Variants in EDARADD observed in about 807,000 individuals in gnomAD.
EDARADD encodes the protein EDAR associated via death domain.
Under a neutral mutation model 25.6 loss-of-function variants are expected in EDARADD, and 20 were observed. The observed-to-expected ratio is 0.78, with a 90% confidence interval of 0.55 to 1.14. The LOEUF is 1.14. Ranked by LOEUF, EDARADD falls within the 50% of genes most tolerant of loss-of-function variation. The probability of loss-of-function intolerance (pLI) is 0.00; values close to 1 mark genes in which losing one functional copy is unlikely to be tolerated. For missense variants in EDARADD, 225 were observed against 270.1 expected, an observed-to-expected ratio of 0.83 and a Z score of 1.17; for synonymous variants, 86 against 94.4, an observed-to-expected ratio of 0.91 and a Z score of 0.52.
rs368311267 is a variant in EDARADD, at chr1:236,456,027, A to G, written c.220-12204A>G. Reference sequence around the variant, plus strand: ...GATGGTCTCGATCTGCTGACCTTGTAATCCGCCCGCCTCGGCCTCCCAAAG... The same window carrying G: ...GATGGTCTCGATCTGCTGACCTTGTGATCCGCCCGCCTCGGCCTCCCAAAG... On this transcript the variant is annotated intron_variant, in intron 4 of 5. Coordinates refer to ENST00000334232, the MANE Select transcript of EDARADD (RefSeq NM_145861.4). Among the ~76,000 whole-genome samples the G allele has an allele frequency of 1.3e-3, 194 of 152,164 alleles. 4 individuals carry two copies. In the South Asian group the frequency reaches 0.033, roughly 26 times the overall value.
chr1:236,375,380 G>A (rs1429853917), intron 3 of EDARADD, among the ~76,000 whole-genome samples: 1 of 152,074 alleles, frequency 6.6e-6, no homozygotes. Context: ...ACCAGGCCAG[G>A]CGCAGTGGCT....
At chr1:236,407,870 A>T (rs1402072354) in intron 1 of EDARADD, among the ~76,000 whole-genome samples, 1 of 152,242 alleles carries the variant, frequency 6.6e-6, no homozygotes, top group East Asian at 1.9e-4. Context: ...CCTTCAATGC[A>T]TCAAGTGATA....
rs1019062525 is a variant in EDARADD, at chr1:236,398,676, T to C, written c.61+4171T>C. Among the ~76,000 whole-genome samples, 1 of 152,194 alleles carries C rather than the reference T, an allele frequency of 6.6e-6. No individual in the cohort carries two copies. Among genetic ancestry groups the C allele is most frequent in the Non-Finnish European group, 1.5e-5 (1 of 68,034 alleles). ...TGTTCCTGCGGCCTGGAAGGACCCCTGCATTCCAGCCCTCACCCCATCCTC... is the reference window on the plus strand; with the variant it reads ...TGTTCCTGCGGCCTGGAAGGACCCCCGCATTCCAGCCCTCACCCCATCCTC... On this transcript the variant is annotated intron_variant, in intron 1 of 5. Transcript: ENST00000334232. The surrounding 1 kb of genome is among the most constrained non-coding windows in gnomAD (Gnocchi z 4.1).
At chr1:236,348,534 C>T (rs1425485622) in intron 1 of EDARADD, among the ~76,000 whole-genome samples, 3 of 152,238 alleles carry the variant, frequency 2.0e-5, no homozygotes, top group South Asian at 4.1e-4. Flanking sequence ...AGCATTTGCG[C>T]CCTCACCCTG....
intron 4 of EDARADD, among the ~76,000 whole-genome samples, chr1:236,458,641 CTTTTTTTTT>C (rs5781887): frequency 6.2e-5 from 7 of 113,538 alleles, no homozygotes; most frequent in Non-Finnish European, 1.1e-4. Flanking sequence ...TTTTCTTTTT[CTTTTTTTTT>C]TTTTTTTTTT....
chr1:236,362,992 A>G lies in EDARADD; in HGVS notation c.-6+12153A>G, dbSNP rs1278582167. ...ACTCTGTCTTCTTTTTTTAAGAAAA[A>G]AAAAAAAAAAAAAAATATATATATA... is the stretch of plus-strand genomic sequence containing the variant. On this transcript the variant is annotated intron_variant, in intron 3 of 7. Transcript: ENST00000439430. Among the ~76,000 whole-genome samples the G allele has an allele frequency of 1.8e-3, 115 of 64,338 alleles. 4 individuals are homozygous for G. Among genetic ancestry groups the G allele is most frequent in the South Asian group, 3.1e-3 (5 of 1,612 alleles). The allele number at this position is 64,338 out of a possible 152,430, so 42.2% of individuals were successfully genotyped here. A position where few individuals can be genotyped will look rare whatever the true frequency, so the allele number is the denominator to read the frequency against.
At chr1:236,424,734 T>C (rs1396153660) in intron 3 of EDARADD, among the ~76,000 whole-genome samples, 1 of 152,168 alleles carries the variant, frequency 6.6e-6, no homozygotes, top group East Asian at 1.9e-4. Flanking sequence ...CCTACAACTC[T>C]GAGGATCAGG....
intron 4 of EDARADD, among the ~76,000 whole-genome samples, chr1:236,443,116 A>T (rs1658445380): frequency 6.6e-6 from 1 of 152,206 alleles, no homozygotes; most frequent in South Asian, 2.1e-4. Flanking sequence ...CTGCCTCAGT[A>T]GAGTCCCCAC....
Position 236,483,166 on chromosome 1 carries a change from T to G in EDARADD, c.*517T>G. 1 of 1,550,468 alleles carries G rather than the reference T, an allele frequency of 6.4e-7. No individual in the cohort carries two copies. The highest frequency in any genetic ancestry group is 1.1e-5 in the South Asian group (1 of 89,770). ...AGACCCAGTGGCTAGAAATTCACCA[T>G]GTCTATTCTCAAGATCCATGCCAGG... On this transcript the variant is annotated 3_prime_UTR_variant, in exon 6 of 6. Transcript: ENST00000334232.
intron 4 of EDARADD, among the ~76,000 whole-genome samples, chr1:236,448,618 T>C (rs1658628898): frequency 6.6e-6 from 1 of 152,206 alleles, no homozygotes; most frequent in Non-Finnish European, 1.5e-5. Flanking sequence ...TGAGGAAAAC[T>C]ATAAAAACTC....
intron 4 of EDARADD, among the ~76,000 whole-genome samples, chr1:236,433,899 C>CAA (rs974422755): frequency 7.9e-6 from 1 of 127,194 alleles, no homozygotes; most frequent in African/African-American, 2.8e-5. Context: ...ACAAAAAAAA[C>CAA]AAAAAAAAAA....
At chr1:236,460,305 C>T (rs1417491982) in intron 4 of EDARADD, among the ~76,000 whole-genome samples, 1 of 151,736 alleles carries the variant, frequency 6.6e-6, no homozygotes, top group Non-Finnish European at 1.5e-5. Context: ...CCACCTCAGC[C>T]TCCCACATAG....
chr1:236,362,996 A>ATATATATATATATAT (rs1667068445), intron 3 of EDARADD, among the ~76,000 whole-genome samples: 1 of 59,320 alleles, frequency 1.7e-5, no homozygotes, highest in African/African-American at 7.0e-5. Flanking sequence ...AGAAAAAAAA[A>ATATATATATATATAT]AAAAAAAAAA....
chr1:236,370,130 G>T (rs547407934), intron 3 of EDARADD, among the ~76,000 whole-genome samples: 2 of 151,964 alleles, frequency 1.3e-5, no homozygotes, highest in East Asian at 3.9e-4. Flanking sequence ...TCATCAAGAC[G>T]GGGGAATTGG....
Position 236,448,404 on chromosome 1 carries a change from G to C in EDARADD, c.220-19827G>C, listed in dbSNP as rs550456234. Among the ~76,000 whole-genome samples, 6 of 152,302 alleles carry C rather than the reference G, an allele frequency of 3.9e-5. No individual in the cohort carries two copies. The East Asian group carries it at 1.2e-3, about 29-fold the overall frequency. ...GGCCTGCTGGGCTGAAGTTGAATTGGGCAGCCTGGGAGGGTCTGATCCTAG... is the reference window on the plus strand; with the variant it reads ...GGCCTGCTGGGCTGAAGTTGAATTGCGCAGCCTGGGAGGGTCTGATCCTAG... On this transcript the variant is annotated intron_variant, in intron 4 of 5. Transcript: ENST00000334232.
intron 5 of EDARADD, among the ~76,000 whole-genome samples, chr1:236,480,995 G>A (rs762617953): frequency 1.1e-4 from 16 of 152,174 alleles, no homozygotes; most frequent in Non-Finnish European, 1.8e-4. Context: ...GGGTGTTGGC[G>A]CCACTTCAAA....
intron 3 of EDARADD, among the ~76,000 whole-genome samples, chr1:236,368,769 C>A (rs1396269416): frequency 6.6e-6 from 1 of 152,108 alleles, no homozygotes; most frequent in African/African-American, 2.4e-5. Flanking sequence ...AACACTTTTA[C>A]CTCTTGTTAG....
intron 1 of EDARADD, among the ~76,000 whole-genome samples, chr1:236,405,925 CTCTTTCCT>C (rs1667725629): frequency 2.2e-5 from 1 of 46,454 alleles, no homozygotes; most frequent in Non-Finnish European, 4.6e-5. Context: ...TTCTTTCTTT[CTCTTTCCT>C]TTTTTTTTTC....
At chr1:236,460,194 T>A (rs933013910) in intron 4 of EDARADD, among the ~76,000 whole-genome samples, 2 of 151,142 alleles carry the variant, frequency 1.3e-5, no homozygotes, top group African/African-American at 4.9e-5. Flanking sequence ...TTTCTTTTTT[T>A]TTTTTTTTGA....
Sources: gnomAD v4.1 joint callset for allele counts (sites outside exome capture counted in the v4.1 genomes callset) on GRCh38, gnomAD v4.1.1 for gene constraint, Gnocchi (gnomAD v3.1) non-coding constraint, MANE v1.5 for transcripts, NCBI Gene and HGNC (gene_info 2026-07-23, HGNC 2026-07-21) for gene names.